KPNA2: variants seen among roughly 807,000 people sequenced by gnomAD.
KPNA2 encodes the protein importin subunit alpha-1.
A neutral mutation model predicts 53.7 loss-of-function variants in KPNA2; 20 were observed. The ratio of observed to expected loss-of-function variants is 0.37; its 90% confidence interval spans 0.26 to 0.54. The LOEUF (loss-of-function observed/expected upper bound fraction) is 0.54. Among genes scored for constraint, KPNA2 ranks in the 20% least tolerant of loss-of-function variants. The pLI is 0.83. For synonymous variants in KPNA2, 238 were observed against 227.5 expected (o/e 1.05, Z -0.42); for missense variants, 515 against 640.3 (o/e 0.80, Z 2.11).
In KPNA2 at chr17:68,040,713, A is replaced by G; in HGVS notation, c.249A>G (p.Lys83=). The G allele has an allele frequency of 6.2e-7, 1 of 1,613,518 alleles. No individual in the cohort carries two copies. Among genetic ancestry groups the G allele is most frequent in the Non-Finnish European group, 8.5e-7 (1 of 1,179,542 alleles). The part of the protein sequence containing the change: ...TVNWSVDDIV[K]GINSSNVENQ... The stretch of plus-strand genomic sequence containing the variant: ...ATTGGTCTGTTGATGACATTGTCAA[A>G]GGCATAAATAGCAGCAATGTGGAAA... Residue 83 remains lysine (K), a synonymous_variant, in exon 4 of 11, where the codon AAA becomes AAG. Coordinates refer to ENST00000330459, the MANE Select transcript of KPNA2 (RefSeq NM_002266.4).
chr17:68,042,290 C>T lies in KPNA2; in HGVS notation c.508C>T (p.Leu170=). The change falls in exon 5 of 11, where the codon CTG becomes TTG. Residue 170 remains leucine (L), a synonymous_variant. Coordinates refer to ENST00000330459, the MANE Select transcript of KPNA2 (RefSeq NM_002266.4). ...AGGTGCCATCCCAGCATTCATTTCT[C>T]TGTTGGCATCTCCCCATGCTCACAT... The part of the protein sequence containing the change: ...DGGAIPAFIS[L]LASPHAHISE... The T allele has an allele frequency of 6.2e-7, 1 of 1,614,158 alleles. No individual in the cohort carries two copies. The highest frequency in any genetic ancestry group is 1.1e-5 in the South Asian group (1 of 91,080).
At chr17:68,036,898 G>A in intron 1 of KPNA2, 1 of 432,690 alleles carries the variant, frequency 2.3e-6, no homozygotes, top group African/African-American at 2.1e-5. Flanking sequence ...TTCTGATGGA[G>A]AGCCCTCTCC....
chr17:68,041,209 G>T (rs7222174), intron 4 of KPNA2, among the ~76,000 whole-genome samples: 5,380 of 152,276 alleles, frequency 0.035, 134 homozygotes, highest in South Asian at 0.11. Flanking sequence ...TAATAGAAAG[G>T]ATTAATAAGT....
intron 3 of KPNA2, among the ~76,000 whole-genome samples, chr17:68,037,999 CAG>C (rs1457549450): frequency 4.6e-5 from 7 of 151,986 alleles, no homozygotes; most frequent in African/African-American, 1.2e-4. Flanking sequence ...TTCTTTGAGA[CAG>C]AGTTTTGCTC....
chr17:68,043,355 C>A lies in KPNA2; in HGVS notation c.922C>A (p.Pro308Thr). The A allele has an allele frequency of 6.2e-7, 1 of 1,613,816 alleles. No homozygotes were observed. The highest frequency in any genetic ancestry group is 8.5e-7 in the Non-Finnish European group (1 of 1,179,910). Residue 308 changes from proline to threonine, a missense_variant, in exon 7 of 11, where the codon CCA (proline) becomes ACA (threonine). By Grantham distance (38) the Pro-to-Thr change is conservative. Transcript: ENST00000330459. Reference protein sequence around the residue: ...LVKLLGASELPIVTPALRAIG... With the variant: ...LVKLLGASELTIVTPALRAIG... ...GAAGCTTCTAGGAGCTTCTGAATTGCCAATTGTGGTAAGTTATTTACTTGT... is the reference window on the plus strand; with the variant it reads ...GAAGCTTCTAGGAGCTTCTGAATTGACAATTGTGGTAAGTTATTTACTTGT...
chr17:68,039,012 CTA>C (rs146286181), intron 3 of KPNA2, among the ~76,000 whole-genome samples: 31,011 of 152,068 alleles, frequency 0.2, 4,117 homozygotes, highest in East Asian at 0.67. Flanking sequence ...GACCCTGTCT[CTA>C]AGAAATCCCT....
chr17:68,042,858 C>A, intron 5 of KPNA2, 47 bp from the exon 6 acceptor site: 4 of 1,325,800 alleles, frequency 3.0e-6, no homozygotes, highest in Non-Finnish European at 4.2e-6. Flanking sequence ...AGAGAAACTC[C>A]GTCTCAAAAA....
Position 68,046,843 on chromosome 17 carries a change from T to C in KPNA2, c.*247T>C. The C allele has an allele frequency of 3.3e-6, 1 of 307,388 alleles. No homozygotes were observed. Among genetic ancestry groups the C allele is most frequent in the East Asian group, 5.8e-5 (1 of 17,162 alleles). The allele number at this position is 307,388 out of a possible 1,614,324, so 19.0% of individuals were successfully genotyped here. On this transcript the variant is annotated 3_prime_UTR_variant, in exon 11 of 11. Coordinates refer to ENST00000330459, the MANE Select transcript of KPNA2 (RefSeq NM_002266.4). ...TAAATAAACATTCAAGTCCACCCTT[T>C]TCTTGACTTCACCATGCCTATGTGT... is the stretch of plus-strand genomic sequence containing the variant.
chr17:68,043,104 G>T lies in KPNA2; in HGVS notation c.671G>T (p.Gly224Val). Residue 224 changes from glycine (G) to valine (V), a missense_variant, in exon 7 of 11, where the codon GGC (glycine) becomes GTC (valine). Gly to Val is a moderately radical substitution (Grantham distance 109). Coordinates refer to ENST00000330459, the MANE Select transcript of KPNA2 (RefSeq NM_002266.4). ...TGCCTATTTTTTTTCCCCCAGTGTG[G>T]CTACTTACGTAATCTTACCTGGACA... ...AVPDMSSLAC[G>V]YLRNLTWTLS... 1 of 1,613,840 alleles carries T rather than the reference G, an allele frequency of 6.2e-7. No individual in the cohort carries two copies. Among genetic ancestry groups the T allele is most frequent in the African/African-American group, 1.3e-5 (1 of 74,948 alleles).
rs782389322 is a variant in KPNA2, at chr17:68,045,769, T to TA, written c.1348-2dup. On this transcript the variant is annotated splice_region_variant and splice_polypyrimidine_tract_variant and intron_variant, in intron 9 of 10. Transcript: ENST00000330459. ...AGTAAACTTGGATTTTTTTTTTTTTTAGGCTGCTGAGAAACTAGGTGAAAC... is the reference window on the plus strand; with the variant it reads ...AGTAAACTTGGATTTTTTTTTTTTTTAAGGCTGCTGAGAAACTAGGTGAAAC... 67 of 1,520,356 alleles carry TA rather than the reference T, an allele frequency of 4.4e-5. No individual in the cohort carries two copies. The South Asian group carries it at 6.2e-4, about 14-fold the overall frequency. 94.2% of individuals were successfully genotyped at this position (1,520,356 alleles called of 1,614,324 possible).
chr17:68,037,973 A>G (rs1330304626), intron 3 of KPNA2, among the ~76,000 whole-genome samples: 2 of 151,044 alleles, frequency 1.3e-5, no homozygotes, highest in Non-Finnish European at 3.0e-5. Flanking sequence ...TAGTTTTTGT[A>G]TTTTTTTGTT....
rs782406317 is a variant in KPNA2 at position 68,045,838 on chromosome 17, A to G, written c.1414A>G (p.Lys472Glu). The G allele has an allele frequency of 6.2e-7, 1 of 1,608,382 alleles. No homozygotes were observed. The highest frequency in any genetic ancestry group is 2.2e-5 in the East Asian group (1 of 44,780). The change falls in exon 10 of 11, where the codon AAA becomes GAA. Residue 472 changes from lysine (K) to glutamate (E), a missense_variant. Physicochemically the swap from Lys to Glu is moderately conservative, Grantham distance 56. Coordinates refer to ENST00000330459, the MANE Select transcript of KPNA2 (RefSeq NM_002266.4). ...IMIEECGGLD[K>E]IEALQNHENE... ...GATTGAAGAATGTGGAGGCTTAGAC[A>G]AAATTGAAGCTCTACAAAACCATGA...
chr17:68,038,694 C>T (rs1323914212), intron 3 of KPNA2, among the ~76,000 whole-genome samples: 3 of 152,032 alleles, frequency 2.0e-5, no homozygotes, highest in African/African-American at 2.4e-5. Context: ...AGTGAAACTC[C>T]GTCTCAAGGA....
At chr17:68,038,904 A>G (rs781990016) in intron 3 of KPNA2, among the ~76,000 whole-genome samples, 12 of 151,956 alleles carry the variant, frequency 7.9e-5, no homozygotes, top group Non-Finnish European at 1.5e-4. Context: ...AGTCCTAGGT[A>G]TTCAGGGGGC....
intron 8 of KPNA2, 41 bp from the exon 9 acceptor site, chr17:68,044,280 G>T: frequency 6.5e-7 from 1 of 1,545,082 alleles, no homozygotes; most frequent in East Asian, 2.2e-5. Context: ...TCTTATTTGT[G>T]CAACTGTTCT....
intron 7 of KPNA2, 114 bp from the exon 8 acceptor site, chr17:68,043,724 G>A (rs2071292518): frequency 1.5e-6 from 1 of 658,648 alleles, no homozygotes; most frequent in Non-Finnish European, 2.7e-6. Context: ...TAGTAATATT[G>A]AAATATTGCC....
chr17:68,045,683 G>A, intron 9 of KPNA2, 89 bp from the exon 10 acceptor site: 2 of 959,650 alleles, frequency 2.1e-6, no homozygotes, highest in Non-Finnish European at 3.0e-6. Context: ...ATTTCTGCCT[G>A]ACGTATCAAT....
chr17:68,035,923 GC>G, intron 1 of KPNA2, 83 bp downstream of exon 1: 1 of 152,422 alleles, frequency 6.6e-6, no homozygotes, highest in Non-Finnish European at 1.5e-5. Flanking sequence ...GGGGAGGGAG[GC>G]CCCGGGTCCA....
chr17:68,040,028 C>A (rs1555704323), intron 3 of KPNA2, among the ~76,000 whole-genome samples: 2 of 151,212 alleles, frequency 1.3e-5, no homozygotes, highest in Non-Finnish European at 2.9e-5. Context: ...GGTGGTGAGC[C>A]AAGATCATGC....
Sources: gnomAD v4.1 joint callset for allele counts (sites outside exome capture counted in the v4.1 genomes callset) on GRCh38, gnomAD v4.1.1 for gene constraint, MANE v1.5 for transcripts, NCBI Gene and HGNC (gene_info 2026-07-23, HGNC 2026-07-21) for gene names.